The following GNG12 variants were observed in gnomAD, a reference collection of about 807,000 sequenced individuals.
GNG12 encodes G protein subunit gamma 12.
For missense variants in GNG12, 69 were observed against 83.8 expected (o/e 0.82, Z 0.69); for synonymous variants, 28 against 29.7 (o/e 0.94, Z 0.19).
chr1:67,722,925 T>C (rs2100690137), intron 2 of GNG12, among the ~76,000 whole-genome samples: 1 of 152,114 alleles, frequency 6.6e-6, no homozygotes, highest in South Asian at 2.1e-4. Flanking sequence ...AACAAATCAC[T>C]CTCCCTGAGC....
chr1:67,799,128 C>G (rs1183253868), intron 1 of GNG12, among the ~76,000 whole-genome samples: 1 of 152,118 alleles, frequency 6.6e-6, no homozygotes, highest in African/African-American at 2.4e-5. Flanking sequence ...TTGTCAACAG[C>G]AGGCTATTAA....
chr1:67,784,621 A>T (rs1646757407), intron 1 of GNG12, among the ~76,000 whole-genome samples: 2 of 152,084 alleles, frequency 1.3e-5, no homozygotes, highest in South Asian at 2.1e-4. Context: ...TTAATTTTAT[A>T]TTTTTTGGTT....
At chr1:67,781,503 G>A (rs1056447242) in intron 1 of GNG12, among the ~76,000 whole-genome samples, 2 of 152,144 alleles carry the variant, frequency 1.3e-5, no homozygotes, top group African/African-American at 4.8e-5. Flanking sequence ...AAACAAACAC[G>A]TATACAAATA....
chr1:67,827,524 C>CA (rs1435903259), intron 1 of GNG12, among the ~76,000 whole-genome samples: 3 of 151,950 alleles, frequency 2.0e-5, no homozygotes, highest in Non-Finnish European at 4.4e-5. Context: ...CTCCCAGGTT[C>CA]ACGCCATTTT....
At chr1:67,725,988 G>T (rs2100693627) in intron 2 of GNG12, among the ~76,000 whole-genome samples, 1 of 152,278 alleles carries the variant, frequency 6.6e-6, no homozygotes, top group African/African-American at 2.4e-5. Flanking sequence ...TAAACAACTT[G>T]CTTGTTAAGT....
intron 2 of GNG12, among the ~76,000 whole-genome samples, chr1:67,765,574 A>G (rs956409397): frequency 6.6e-6 from 1 of 152,204 alleles, no homozygotes; most frequent in Non-Finnish European, 1.5e-5. Flanking sequence ...TTTTAACAGA[A>G]GATGAAATAC....
chr1:67,825,397 G>A (rs1010119429), intron 1 of GNG12, among the ~76,000 whole-genome samples: 15 of 152,292 alleles, frequency 9.8e-5, no homozygotes, highest in African/African-American at 3.6e-4. Context: ...TTGATCCTCA[G>A]GACCACTGCC....
intron 2 of GNG12, among the ~76,000 whole-genome samples, chr1:67,738,535 A>ATCTC (rs1305530784): frequency 6.6e-6 from 1 of 152,106 alleles, no homozygotes; most frequent in Non-Finnish European, 1.5e-5. Flanking sequence ...CTGGTCTCTA[A>ATCTC]TCTCTACCTG....
intron 1 of GNG12, among the ~76,000 whole-genome samples, chr1:67,781,380 T>C (rs1056452352): frequency 1.3e-5 from 2 of 152,148 alleles, no homozygotes; most frequent in Admixed American, 1.3e-4. Flanking sequence ...TATTGAGAGG[T>C]ATACTGAATG....
At chr1:67,766,146 A>ACCCCC (rs1298834310) in intron 2 of GNG12, among the ~76,000 whole-genome samples, 1 of 139,614 alleles carries the variant, frequency 7.2e-6, no homozygotes, top group East Asian at 2.1e-4. Flanking sequence ...ACACACACAC[A>ACCCCC]CACCCCTAAA....
chr1:67,754,686 C>G (rs1008946114), intron 2 of GNG12, among the ~76,000 whole-genome samples: 28 of 152,174 alleles, frequency 1.8e-4, no homozygotes, highest in African/African-American at 6.0e-4. Flanking sequence ...TCGCTTCCTG[C>G]AGGAAGCAGT....
At chr1:67,728,209 G>C (rs540423253) in intron 2 of GNG12, among the ~76,000 whole-genome samples, 1 of 152,188 alleles carries the variant, frequency 6.6e-6, no homozygotes, top group East Asian at 1.9e-4. Context: ...GCCTCACCCC[G>C]TACCTCCAGA....
chr1:67,745,159 T>C (rs1646501233), intron 2 of GNG12, among the ~76,000 whole-genome samples: 1 of 152,218 alleles, frequency 6.6e-6, no homozygotes, highest in Non-Finnish European at 1.5e-5. Context: ...AAACTTTCTC[T>C]TGTATGGGTA....
chr1:67,771,915 A>G (rs1646677216), intron 2 of GNG12, among the ~76,000 whole-genome samples: 1 of 152,224 alleles, frequency 6.6e-6, no homozygotes, highest in South Asian at 2.1e-4. Context: ...ACCTCAACAT[A>G]TAATTTAATG....
intron 1 of GNG12, among the ~76,000 whole-genome samples, chr1:67,822,143 G>A (rs1468901300): frequency 6.6e-6 from 1 of 151,928 alleles, no homozygotes; most frequent in Non-Finnish European, 1.5e-5. Context: ...ATTCAAAGTC[G>A]TCCTGGGCCG....
At chr1:67,761,343 A>G (rs1646603002) in intron 2 of GNG12, among the ~76,000 whole-genome samples, 1 of 152,222 alleles carries the variant, frequency 6.6e-6, no homozygotes, top group Non-Finnish European at 1.5e-5. Flanking sequence ...ATGCTCTAAA[A>G]TAGTTTAAAA....
chr1:67,825,247 G>C (rs974440214), intron 1 of GNG12, among the ~76,000 whole-genome samples: 1 of 152,202 alleles, frequency 6.6e-6, no homozygotes, highest in African/African-American at 2.4e-5. Context: ...TTGGGAATCT[G>C]AGTATGTCTG....
intron 2 of GNG12, among the ~76,000 whole-genome samples, chr1:67,765,790 T>C (rs1646632568): frequency 6.6e-6 from 1 of 152,164 alleles, no homozygotes; most frequent in South Asian, 2.1e-4. Context: ...TCAATGTGGG[T>C]GACATAGCTA....
intron 2 of GNG12, among the ~76,000 whole-genome samples, chr1:67,763,370 T>C (rs1646617511): frequency 6.6e-6 from 1 of 152,248 alleles, no homozygotes; most frequent in African/African-American, 2.4e-5. Flanking sequence ...GACTCTGGCA[T>C]GCTTCCTGAG....
Sources: allele counts gnomAD v4.1 joint callset (sites outside exome capture counted in the v4.1 genomes callset), GRCh38; gene constraint gnomAD v4.1.1; transcripts MANE v1.5; gene names NCBI Gene and HGNC (gene_info 2026-07-23, HGNC 2026-07-21).